DMXL1: variants seen among roughly 807,000 people sequenced by gnomAD.
The protein encoded by DMXL1 is dmX-like protein 1.
DMXL1 carries 99 observed loss-of-function variants against 319.2 expected under a neutral mutation model. The ratio of observed to expected loss-of-function variants is 0.31; its 90% CI spans 0.26 to 0.37. DMXL1 has a LOEUF of 0.37. Ranked by LOEUF, DMXL1 falls within the 10% of genes least tolerant of loss-of-function variation. DMXL1 has a pLI of 1.00. For synonymous variants in DMXL1, 1,385 were observed against 1,235.2 expected (o/e 1.12, Z -2.54); for missense variants, 3,745 against 3,595.6 (o/e 1.04, Z -1.06).
At chr5:119,173,672 A>ATGTGTG (rs771056976) in intron 25 of DMXL1, among the ~76,000 whole-genome samples, 3,318 of 110,138 alleles carry the variant, frequency 0.03, 68 homozygotes, top group South Asian at 0.1. Context: ...AGTAGGATGT[A>ATGTGTG]TGTGTGTGTG....
At chr5:119,087,614 A>T (rs1326994906) in intron 1 of DMXL1, among the ~76,000 whole-genome samples, 1 of 152,128 alleles carries the variant, frequency 6.6e-6, no homozygotes, top group Non-Finnish European at 1.5e-5. Flanking sequence ...GCTGATGAAA[A>T]TAATGTATAT....
chr5:119,188,791 A>G (rs778418188), intron 28 of DMXL1, among the ~76,000 whole-genome samples: 1 of 152,256 alleles, frequency 6.6e-6, no homozygotes, highest in African/African-American at 2.4e-5. Context: ...CAGCTTGACT[A>G]TAGCTTGTTA....
intron 28 of DMXL1, among the ~76,000 whole-genome samples, chr5:119,182,725 A>AT (rs776856423): frequency 2.0e-5 from 3 of 151,740 alleles, no homozygotes; most frequent in African/African-American, 4.8e-5. Context: ...ACTTAATCAA[A>AT]TTTTTTTTGG....
chr5:119,146,418 T>A (rs74795251), intron 15 of DMXL1, among the ~76,000 whole-genome samples: 4,212 of 152,030 alleles, frequency 0.028, 183 homozygotes, highest in African/African-American at 0.096. Context: ...AAACTTATGG[T>A]TTGGCCATTG....
chr5:119,108,711 C>G (rs1758896244), intron 4 of DMXL1, among the ~76,000 whole-genome samples: 1 of 150,952 alleles, frequency 6.6e-6, no homozygotes, highest in Middle Eastern at 3.2e-3. Flanking sequence ...TGAGCCACTG[C>G]ACCCAGCCTT....
At chr5:119,140,915 A>G (rs1767175840) in intron 13 of DMXL1, among the ~76,000 whole-genome samples, 1 of 152,218 alleles carries the variant, frequency 6.6e-6, no homozygotes, top group South Asian at 2.1e-4. Context: ...CACAGTGATC[A>G]AGTAGGCTTA....
At chr5:119,154,863 G>C (rs1770653300) in intron 19 of DMXL1, 2 of 152,236 alleles carry the variant, frequency 1.3e-5, no homozygotes, top group African/African-American at 4.8e-5. Flanking sequence ...ACTCTTGTTA[G>C]GGGCTAATGC....
chr5:119,075,725 T>TAAA (rs146052027), intron 1 of DMXL1, among the ~76,000 whole-genome samples: 1 of 147,058 alleles, frequency 6.8e-6, no homozygotes, highest in African/African-American at 2.5e-5. Context: ...TGGTCTTTTT[T>TAAA]AAAAAAAAAA....
chr5:119,160,831 C>G lies in DMXL1; in HGVS notation c.4703-3676C>G, dbSNP rs1009399204. Among the ~76,000 whole-genome samples the G allele has an allele frequency of 1.4e-4, 22 of 152,026 alleles. No individual in the cohort carries two copies. In the South Asian group the frequency reaches 4.0e-3, roughly 27 times the overall value. On this transcript the variant is annotated intron_variant, in intron 19 of 43. Coordinates refer to ENST00000539542, the MANE Select transcript of DMXL1 (RefSeq NM_001290321.3). ...TCTATTTTGTCTAAGTATAGCTACC[C>G]CTATTCTATTTCGGTTTCTATTTGA...
intron 13 of DMXL1, among the ~76,000 whole-genome samples, chr5:119,139,247 A>C (rs1000113691): frequency 1.3e-5 from 2 of 151,752 alleles, no homozygotes; most frequent in Non-Finnish European, 2.9e-5. Flanking sequence ...ACCAGCTAAC[A>C]ACATAATAAC....
Position 119,164,585 on chromosome 5 carries a change from A to G in DMXL1, c.4781A>G (p.Gln1594Arg), listed in dbSNP as rs1344603358. ...CTGCTGAACATGTTGCCAGCCATGC[A>G]GAAAGATGATCCCACTTGGTCTGAA... ...EELLNMLPAMQKDDPTWSELR... is the reference protein window; with the variant it reads ...EELLNMLPAMRKDDPTWSELR... Residue 1594 changes from glutamine to arginine, a missense_variant, in exon 20 of 44, where the codon CAG (glutamine) becomes CGG (arginine). Gln to Arg is a conservative substitution (Grantham distance 43). Coordinates refer to ENST00000539542, the MANE Select transcript of DMXL1 (RefSeq NM_001290321.3). 1.2e-6 allele frequency: 2 copies of G among 1,614,220 alleles called. No individual in the cohort carries two copies. Among genetic ancestry groups the G allele is most frequent in the East Asian group, 2.2e-5 (1 of 44,884 alleles).
chr5:119,074,186 T>C (rs776691718), intron 1 of DMXL1, among the ~76,000 whole-genome samples: 1 of 152,256 alleles, frequency 6.6e-6, no homozygotes, highest in Non-Finnish European at 1.5e-5. Context: ...CCCAAAGTGC[T>C]GGGATTACAG....
intron 5 of DMXL1, 76 bp downstream of exon 5, chr5:119,110,359 T>C: frequency 7.6e-7 from 1 of 1,315,914 alleles, no homozygotes; most frequent in East Asian, 2.7e-5. Context: ...ATTTTAGTTG[T>C]GTAAAACCAC....
At chr5:119,187,672 G>A (rs1377790097) in intron 28 of DMXL1, among the ~76,000 whole-genome samples, 2 of 151,930 alleles carry the variant, frequency 1.3e-5, no homozygotes, top group Non-Finnish European at 2.9e-5. Flanking sequence ...TTTTGTTGTT[G>A]TTGTTTTTGA....
intron 9 of DMXL1, among the ~76,000 whole-genome samples, chr5:119,128,814 C>T (rs1442499442): frequency 6.6e-6 from 1 of 152,054 alleles, no homozygotes; most frequent in East Asian, 1.9e-4. Flanking sequence ...GTCTGTAATC[C>T]CAGCACTTTG....
At chr5:119,147,201 A>T (rs1768760921) in intron 16 of DMXL1, 48 bp from the exon 17 acceptor site, 1 of 1,498,518 alleles carries the variant, frequency 6.7e-7, no homozygotes, top group South Asian at 1.2e-5. Flanking sequence ...CGTAATATTT[A>T]TAGGGTTCCC....
In DMXL1 at chr5:119,161,055, T is replaced by C. The variant is rs188068328; in HGVS notation, c.4703-3452T>C. Among the ~76,000 whole-genome samples the C allele has an allele frequency of 2.7e-3, 407 of 152,328 alleles. 4 individuals are homozygous for C. Among genetic ancestry groups the C allele is most frequent in the African/African-American group, 9.1e-3 (378 of 41,566 alleles). Reference sequence around the variant, plus strand: ...CCTGATTCTTCACCATTCTCGTGTATTTGCTTTGGGGTCTGCTCATTTGAG... The same window carrying C: ...CCTGATTCTTCACCATTCTCGTGTACTTGCTTTGGGGTCTGCTCATTTGAG... On this transcript the variant is annotated intron_variant, in intron 19 of 43. Coordinates refer to ENST00000539542, the MANE Select transcript of DMXL1 (RefSeq NM_001290321.3).
Position 119,170,298 on chromosome 5 carries a change from C to G in DMXL1, c.5507C>G (p.Thr1836Arg), listed in dbSNP as rs1454988743. 1.2e-6 allele frequency: 2 copies of G among 1,613,886 alleles called. No homozygotes were observed. The part of the protein sequence containing the change: ...RHFGSSDTFS[T>R]HMSLTGKSGL... ...TTTGGATCATCTGATACATTTTCCA[C>G]ACATATGAGCCTAACAGGAAAAAGT... is the stretch of plus-strand genomic sequence containing the variant. Residue 1836 changes from threonine to arginine, a missense_variant, in exon 24 of 44, where the codon ACA becomes AGA. Coordinates refer to ENST00000539542, the MANE Select transcript of DMXL1 (RefSeq NM_001290321.3).
At chr5:119,136,649 C>T (rs1766052719) in intron 13 of DMXL1, among the ~76,000 whole-genome samples, 2 of 152,272 alleles carry the variant, frequency 1.3e-5, no homozygotes, top group South Asian at 4.1e-4. Context: ...GCCCTGCCTC[C>T]CAGCTGCTCT....
Sources: gnomAD v4.1 joint callset for allele counts (sites outside exome capture counted in the v4.1 genomes callset) on GRCh38, gnomAD v4.1.1 for gene constraint, MANE v1.5 for transcripts, NCBI Gene and HGNC (gene_info 2026-07-23, HGNC 2026-07-21) for gene names.